The following PCDHGB2 variants were observed in gnomAD, a reference collection of about 807,000 sequenced individuals.
PCDHGB2 encodes the protein protocadherin gamma-B2.
In PCDHGB2, 55 loss-of-function variants were observed where a neutral mutation model predicts 59.3. The ratio of observed to expected loss-of-function variants is 0.93; its 90% CI spans 0.75 to 1.16. The LOEUF is 1.16. PCDHGB2 is among the 50% of genes most tolerant of loss of function. The pLI, the probability that PCDHGB2 is intolerant of heterozygous loss-of-function variation, is 0.00. For missense variants in PCDHGB2, 1,228 were observed against 1,198.5 expected (o/e 1.02, Z -0.36); for synonymous variants, 516 against 512.0 (o/e 1.01, Z -0.11).
At chr5:141,374,990 A>G in intron 1 of PCDHGB2, 3 of 1,614,046 alleles carry the variant, frequency 1.9e-6, no homozygotes, top group Non-Finnish European at 2.5e-6. Context: ...AGAAATTTCA[A>G]CTTCTGCAAA....
At chr5:141,400,756 C>G (rs1220648843) in intron 1 of PCDHGB2, 1 of 584,890 alleles carries the variant, frequency 1.7e-6, no homozygotes, top group African/African-American at 1.9e-5. Context: ...AGCTTCCTCT[C>G]TAGCAAAAAC....
rs769641310 is a variant in PCDHGB2, at chr5:141,477,421, T to G, written c.2422-17386T>G. 1.7e-5 allele frequency: 28 copies of G among 1,614,172 alleles called. No individual in the cohort carries two copies. Among genetic ancestry groups the G allele is most frequent in the Non-Finnish European group, 2.3e-5 (27 of 1,180,028 alleles). On this transcript the variant is annotated intron_variant, in intron 1 of 3. Coordinates refer to ENST00000522605, the MANE Select transcript of PCDHGB2 (RefSeq NM_018923.3). The surrounding 1 kb of genome is among the most constrained non-coding windows in gnomAD (Gnocchi z 4.9). ...TCACCGCCCGAGACGCCGGAACCCC[T>G]TCCCTCTCAGCCCTTACAATAGTGC...
rs575872277 is a variant in PCDHGB2, at chr5:141,511,848, G to A, written c.*675G>A. The A allele has an allele frequency of 6.4e-6, 1 of 156,684 alleles. No individual in the cohort carries two copies. The highest frequency in any genetic ancestry group is 2.0e-4 in the South Asian group (1 of 5,078). The allele number at this position is 156,684 out of a possible 1,614,324, so 9.7% of individuals were successfully genotyped here. A position where few individuals can be genotyped will look rare whatever the true frequency, so the allele number is the denominator to read the frequency against. ...GCCCTGGGGACCAGTCTTCTGTTTT[G>A]TTTTTCATTGTTTGACGTTTCCACT... On this transcript the variant is annotated 3_prime_UTR_variant, in exon 4 of 4. Transcript: ENST00000522605.
intron 1 of PCDHGB2, chr5:141,408,368 C>T: frequency 3.1e-6 from 5 of 1,613,992 alleles, no homozygotes; most frequent in Non-Finnish European, 4.2e-6. Context: ...GGATCTAGGG[C>T]TCAGTGTCCT....
At position 141,491,752 on chromosome 5, in the gene PCDHGB2, G is replaced by C. The variant is rs1464731659; in HGVS notation, c.2422-3055G>C. 6 of 1,586,646 alleles carry C rather than the reference G, an allele frequency of 3.8e-6. No homozygotes were observed. The African/African-American group carries it at 8.1e-5, about 21-fold the overall frequency. On this transcript the variant is annotated intron_variant, in intron 1 of 3. Transcript: ENST00000522605. The surrounding 1 kb of genome is among the most constrained non-coding windows in gnomAD (Gnocchi z 6.9). ...GACCCCTGGGGGCGGCACTGGAGAA[G>C]CCGCCCGTCCTCATAAGGGATTGAA...
chr5:141,467,295 C>T (rs2099141170), intron 1 of PCDHGB2, among the ~76,000 whole-genome samples: 1 of 152,114 alleles, frequency 6.6e-6, no homozygotes, highest in South Asian at 2.1e-4. Flanking sequence ...TCAAGTGATC[C>T]ACTCACCTCG....
intron 1 of PCDHGB2, among the ~76,000 whole-genome samples, chr5:141,435,604 A>T (rs1361568996): frequency 6.6e-6 from 1 of 152,180 alleles, no homozygotes. Flanking sequence ...CCTGCTTTTT[A>T]CATTAAATTC....
rs1452602466 is a variant in PCDHGB2 at position 141,481,941 on chromosome 5, C to A, written c.2422-12866C>A. Among the ~76,000 whole-genome samples, 4 of 146,990 alleles carry A rather than the reference C, an allele frequency of 2.7e-5. No individual in the cohort carries two copies. The Admixed American group carries it at 2.7e-4, about 10-fold the overall frequency. On this transcript the variant is annotated intron_variant, in intron 1 of 3. Coordinates refer to ENST00000522605, the MANE Select transcript of PCDHGB2 (RefSeq NM_018923.3). ...AAAAAAAAAAAAAAAAAAAATCAGC[C>A]AGATGTGGTGGCAGGTGCCTGTAGT...
Position 141,417,818 on chromosome 5 carries a change from C to T in PCDHGB2, c.2421+55262C>T, listed in dbSNP as rs59981184. 5.7e-4 allele frequency: 859 copies of T among 1,512,530 alleles called. 1 individual carries two copies. The African/African-American group carries it at 0.011, about 19-fold the overall frequency. 93.7% of individuals were successfully genotyped at this position (1,512,530 alleles called of 1,614,324 possible). On this transcript the variant is annotated intron_variant, in intron 1 of 3. Coordinates refer to ENST00000522605, the MANE Select transcript of PCDHGB2 (RefSeq NM_018923.3). ...TTTAGCGCGGTAGAGTGCACTTTCTCCAACTGGAAAAGCGGGGACCCAGCG... is the reference window on the plus strand; with the variant it reads ...TTTAGCGCGGTAGAGTGCACTTTCTTCAACTGGAAAAGCGGGGACCCAGCG...
chr5:141,479,813 T>G (rs543146395), intron 1 of PCDHGB2, among the ~76,000 whole-genome samples: 1 of 152,318 alleles, frequency 6.6e-6, no homozygotes, highest in South Asian at 2.1e-4. Flanking sequence ...TATGCAAGGA[T>G]ACTATCCAAG....
intron 1 of PCDHGB2, chr5:141,418,133 C>T (rs758498780): frequency 2.5e-6 from 4 of 1,613,924 alleles, no homozygotes; most frequent in Non-Finnish European, 3.4e-6. Flanking sequence ...CCGAATAGAC[C>T]GTGAGCAAAT....
At position 141,431,391 on chromosome 5, in the gene PCDHGB2, T is replaced by C; in HGVS notation, c.2422-63416T>C. Reference sequence around the variant, plus strand: ...GAAGAAAAGGCTGCTCACCACCTGGTCCTTACGGCCTCCGACGGGGGCGAC... The same window carrying C: ...GAAGAAAAGGCTGCTCACCACCTGGCCCTTACGGCCTCCGACGGGGGCGAC... On this transcript the variant is annotated intron_variant, in intron 1 of 3. Transcript: ENST00000522605. The surrounding 1 kb of genome is among the most constrained non-coding windows in gnomAD (Gnocchi z 4.8). 1 of 1,613,852 alleles carries C rather than the reference T, an allele frequency of 6.2e-7. No homozygotes were observed.
intron 1 of PCDHGB2, chr5:141,370,755 G>A: frequency 6.2e-7 from 1 of 1,613,972 alleles, no homozygotes; most frequent in South Asian, 1.1e-5. Context: ...TCATGTAACT[G>A]TGCTGATCCA....
rs79201149 is a variant in PCDHGB2, at chr5:141,386,596, T to C, written c.2421+24040T>C. Among the ~76,000 whole-genome samples, 402 of 139,140 alleles carry C rather than the reference T, an allele frequency of 2.9e-3. 2 individuals are homozygous for C. Among genetic ancestry groups the C allele is most frequent in the Non-Finnish European group, 4.9e-3 (319 of 65,706 alleles). The allele number at this position is 139,140 out of a possible 152,430, so 91.3% of individuals were successfully genotyped here. A position where few individuals can be genotyped will look rare whatever the true frequency, so the allele number is the denominator to read the frequency against. Reference sequence around the variant, plus strand: ...TCTGTACAATAGTGTGGGGGATACATTTTTTTTTTTTGACATGGAGTCTCG... The same window carrying C: ...TCTGTACAATAGTGTGGGGGATACACTTTTTTTTTTTGACATGGAGTCTCG... On this transcript the variant is annotated intron_variant, in intron 1 of 3. Transcript: ENST00000522605.
intron 1 of PCDHGB2, among the ~76,000 whole-genome samples, chr5:141,457,005 A>T (rs2098903361): frequency 6.6e-6 from 1 of 152,146 alleles, no homozygotes; most frequent in Admixed American, 6.5e-5. Flanking sequence ...TGCATTACTA[A>T]ATCCAATAAA....
chr5:141,431,904 T>A lies in PCDHGB2; in HGVS notation c.2422-62903T>A. On this transcript the variant is annotated intron_variant, in intron 1 of 3. Transcript: ENST00000522605. The surrounding 1 kb of genome is among the most constrained non-coding windows in gnomAD (Gnocchi z 4.8). ...CAAGATTCTGAGGAAAACGGACAGG[T>A]GATCTGTTTCATCCAAGGAAATCTG... is the stretch of plus-strand genomic sequence containing the variant. 1 of 1,613,846 alleles carries A rather than the reference T, an allele frequency of 6.2e-7. No individual in the cohort carries two copies. Among genetic ancestry groups the A allele is most frequent in the Non-Finnish European group, 8.5e-7 (1 of 1,179,708 alleles).
At chr5:141,371,906 C>G in intron 1 of PCDHGB2, 1 of 1,613,406 alleles carries the variant, frequency 6.2e-7, no homozygotes, top group Non-Finnish European at 8.5e-7. Flanking sequence ...TGTCGTCCTA[C>G]GTGTCCGTGA....
At chr5:141,421,535 G>GT (rs975619932) in intron 1 of PCDHGB2, 8 of 1,614,032 alleles carry the variant, frequency 5.0e-6, no homozygotes, top group Non-Finnish European at 6.8e-6. Flanking sequence ...GTGTCCTCCT[G>GT]TTTTTTAAAT....
chr5:141,403,688 A>T (rs1385402830), intron 1 of PCDHGB2: 1 of 1,613,836 alleles, frequency 6.2e-7, no homozygotes, highest in Non-Finnish European at 8.5e-7. Flanking sequence ...TGCTCAACGG[A>T]TTTACCGAGT....
Sources: gnomAD v4.1 joint callset for allele counts (sites outside exome capture counted in the v4.1 genomes callset) on GRCh38, gnomAD v4.1.1 for gene constraint, Gnocchi (gnomAD v3.1) non-coding constraint, MANE v1.5 for transcripts, NCBI Gene and HGNC (gene_info 2026-07-23, HGNC 2026-07-21) for gene names.